The following DCDC2 variants were observed in gnomAD, a reference collection of about 807,000 sequenced individuals.
The protein encoded by DCDC2 is doublecortin domain-containing protein 2.
DCDC2 carries 40 observed loss-of-function variants against 50.2 expected under a neutral mutation model. The ratio of observed to expected loss-of-function variants is 0.80; its 90% confidence interval spans 0.62 to 1.04. The LOEUF is 1.04. DCDC2 is among the 50% of genes least tolerant of loss of function. DCDC2 has a pLI of 0.00. For synonymous variants in DCDC2, 234 were observed against 210.6 expected (o/e 1.11, Z -0.96); for missense variants, 570 against 581.9 (o/e 0.98, Z 0.21).
chr6:24,292,925 A>C (rs1763782318), intron 4 of DCDC2, among the ~76,000 whole-genome samples: 1 of 152,216 alleles, frequency 6.6e-6, no homozygotes, highest in Admixed American at 6.5e-5. Flanking sequence ...GGGCAAAATC[A>C]TACCTGCTTG....
chr6:24,285,722 C>G (rs1458033756), intron 6 of DCDC2, among the ~76,000 whole-genome samples: 1 of 152,200 alleles, frequency 6.6e-6, no homozygotes, highest in African/African-American at 2.4e-5. Flanking sequence ...ATGCTCTACA[C>G]ATTTTTAATT....
chr6:24,209,783 T>C (rs1462266976), intron 7 of DCDC2, among the ~76,000 whole-genome samples: 1 of 152,258 alleles, frequency 6.6e-6, no homozygotes, highest in Middle Eastern at 3.4e-3. Context: ...AGTGAGCTCT[T>C]GGGAAAAGTA....
rs576248106 is a variant in DCDC2, at chr6:24,190,063, T to C, written c.1024-11431A>G. 1.4e-4 allele frequency among the ~76,000 whole-genome samples: 19 copies of C among 138,168 alleles called. No homozygotes were observed. In the South Asian group the frequency reaches 2.9e-3, roughly 21 times the overall value. The allele number at this position is 138,168 out of a possible 152,430, so 90.6% of individuals were successfully genotyped here. A position where few individuals can be genotyped will look rare whatever the true frequency, so the allele number is the denominator to read the frequency against. Reference sequence around the variant, plus strand: ...TTCTTGCTTTCAGCTTTCAGAGGCTTACTTTCACCGAAAAAAAAAAAAAAG... The same window carrying C: ...TTCTTGCTTTCAGCTTTCAGAGGCTCACTTTCACCGAAAAAAAAAAAAAAG... On this transcript the variant is annotated intron_variant, in intron 8 of 9. Transcript: ENST00000378454.
intron 1 of DCDC2, chr6:24,356,873 C>T (rs1760478667): frequency 6.6e-6 from 1 of 152,190 alleles, no homozygotes; most frequent in Non-Finnish European, 1.5e-5. Context: ...AGACAGTCGA[C>T]AAATACAGTC....
At chr6:24,358,927 ATTATATATT>A (rs1760559454), upstream of DCDC2, among the ~76,000 whole-genome samples, 1 of 44,406 alleles carries the variant, frequency 2.3e-5, no homozygotes, top group Non-Finnish European at 3.5e-5. Context: ...TATATTATAT[ATTATATATT>A]TTATATATTA....
rs1304880294 is a variant in DCDC2 at position 24,357,649 on chromosome 6, G to A, written c.102C>T (p.Val34=). The A allele has an allele frequency of 1.2e-6, 2 of 1,613,466 alleles. No individual in the cohort carries two copies. The highest frequency in any genetic ancestry group is 1.7e-5 in the Admixed American group (1 of 60,030). The change falls in exon 1 of 10, where the codon GTC becomes GTT. Residue 34 remains valine, a synonymous_variant. Transcript: ENST00000378454. ...NGDPFYAGRR[V]VIHEKKVSSF... is the part of the protein sequence containing the mutation. ...TGGACACCTTCTTCTCATGGATGACGACGCGGCGCCCCGCGTAGAAGGGGT... is the reference window on the plus strand; with the variant it reads ...TGGACACCTTCTTCTCATGGATGACAACGCGGCGCCCCGCGTAGAAGGGGT...
intron 7 of DCDC2, among the ~76,000 whole-genome samples, chr6:24,209,255 T>C (rs1412756437): frequency 6.6e-6 from 1 of 152,210 alleles, no homozygotes; most frequent in Non-Finnish European, 1.5e-5. Flanking sequence ...GGCAACATTA[T>C]TTGAGCACTT....
chr6:24,201,316 G>C (rs2113758656), intron 8 of DCDC2, among the ~76,000 whole-genome samples: 1 of 152,204 alleles, frequency 6.6e-6, no homozygotes, highest in Middle Eastern at 3.4e-3. Context: ...TCACACCATA[G>C]TACAATCAAA....
At chr6:24,221,878 A>G (rs1762127148) in intron 7 of DCDC2, among the ~76,000 whole-genome samples, 1 of 152,214 alleles carries the variant, frequency 6.6e-6, no homozygotes, top group African/African-American at 2.4e-5. Context: ...AAGCATCACC[A>G]CTGTTAAGGC....
Position 24,174,483 on chromosome 6 carries a change from CT to C in DCDC2, c.*246del. The C allele has an allele frequency of 3.7e-6, 1 of 271,786 alleles. No homozygotes were observed. The highest frequency in any genetic ancestry group is 6.8e-6 in the Non-Finnish European group (1 of 146,290). The allele number at this position is 271,786 out of a possible 1,614,324, so 16.8% of individuals were successfully genotyped here. A position where few individuals can be genotyped will look rare whatever the true frequency, so the allele number is the denominator to read the frequency against. ...TGGCAATTGTCTTCCAGTGCAAATT[CT>C]CCTCTGTCCGTCTTATTTAATATTT... On this transcript the variant is annotated 3_prime_UTR_variant, in exon 10 of 10. Coordinates refer to ENST00000378454, the MANE Select transcript of DCDC2 (RefSeq NM_016356.5).
At chr6:24,310,006 G>A (rs1273045920) in intron 2 of DCDC2, among the ~76,000 whole-genome samples, 1 of 151,780 alleles carries the variant, frequency 6.6e-6, no homozygotes, top group Admixed American at 6.6e-5. Flanking sequence ...ACAAGATATG[G>A]GTAGGTTAAA....
chr6:24,287,013 G>A (rs1440269086), intron 6 of DCDC2, among the ~76,000 whole-genome samples: 2 of 152,110 alleles, frequency 1.3e-5, no homozygotes, highest in Admixed American at 1.3e-4. Context: ...TTCTCACCAC[G>A]TGAAGTCTTC....
At chr6:24,382,071 T>C in the DCDC2 span, among the ~76,000 whole-genome samples, 6 of 151,950 alleles carry the variant, frequency 3.9e-5, no homozygotes, top group Admixed American at 1.3e-4. Flanking sequence ...AGTCCAGCCA[T>C]GGGGAGAAAA....
intron 7 of DCDC2, among the ~76,000 whole-genome samples, chr6:24,257,143 T>C (rs1024740798): frequency 6.6e-6 from 1 of 152,202 alleles, no homozygotes; most frequent in African/African-American, 2.4e-5. Flanking sequence ...GCAGAGGCCT[T>C]GTTAATCTCT....
intron 1 of DCDC2, among the ~76,000 whole-genome samples, chr6:24,355,051 GT>G (rs1188445382): frequency 6.6e-6 from 1 of 152,072 alleles, no homozygotes; most frequent in African/African-American, 2.4e-5. Context: ...TAAGTGCTAA[GT>G]TTCAAATATA....
chr6:24,307,571 C>G (rs2113842678), intron 2 of DCDC2, among the ~76,000 whole-genome samples: 1 of 152,276 alleles, frequency 6.6e-6, no homozygotes, highest in Non-Finnish European at 1.5e-5. Context: ...ACTTAGCAAA[C>G]AGCACACAGC....
Position 24,301,332 on chromosome 6 carries a change from C to T in DCDC2, c.557+383G>A, listed in dbSNP as rs1316755134. ...CTTGCAGTGAGCTGAGATCGTGCCA[C>T]TGCACACCAGCCTGGGCGACAGAGC... is the stretch of plus-strand genomic sequence containing the variant. On this transcript the variant is annotated intron_variant, in intron 4 of 9. Transcript: ENST00000378454. Among the ~76,000 whole-genome samples, 19 of 125,786 alleles carry T rather than the reference C, an allele frequency of 1.5e-4. No individual in the cohort carries two copies. The Admixed American group carries it at 2.0e-3, about 13-fold the overall frequency. 82.5% of individuals were successfully genotyped at this position (125,786 alleles called of 152,430 possible). A position where few individuals can be genotyped will look rare whatever the true frequency, so the allele number is the denominator to read the frequency against.
chr6:24,220,895 C>CGAGCGAGCGAGAGAGTGAGCGAGAGAGT lies in DCDC2; in HGVS notation c.923-15794_923-15793insACTCTCTCGCTCACTCTCTCGCTCGCTC, dbSNP rs1762097947. On this transcript the variant is annotated intron_variant, in intron 7 of 9. Transcript: ENST00000378454. Reference sequence around the variant, plus strand: ...AAGAGAGCGAGAGCGAGAGAGTGAGCGAGCGAGCGAGAGAGTGAGCGAGCG... The same window carrying CGAGCGAGCGAGAGAGTGAGCGAGAGAGT: ...AAGAGAGCGAGAGCGAGAGAGTGAGCGAGCGAGCGAGAGAGTGAGCGAGAGAGTGAGCGAGCGAGAGAGTGAGCGAGCG... 2.0e-3 allele frequency among the ~76,000 whole-genome samples: 239 copies of CGAGCGAGCGAGAGAGTGAGCGAGAGAGT among 117,256 alleles called. 5 individuals are homozygous for CGAGCGAGCGAGAGAGTGAGCGAGAGAGT. Among genetic ancestry groups the CGAGCGAGCGAGAGAGTGAGCGAGAGAGT allele is most frequent in the African/African-American group, 6.2e-3 (211 of 34,260 alleles). The allele number at this position is 117,256 out of a possible 152,430, so 76.9% of individuals were successfully genotyped here. A position where few individuals can be genotyped will look rare whatever the true frequency, so the allele number is the denominator to read the frequency against.
rs527792416 is a variant in DCDC2, at chr6:24,326,579, C to T, written c.349-24535G>A. On this transcript the variant is annotated intron_variant, in intron 2 of 9. Coordinates refer to ENST00000378454, the MANE Select transcript of DCDC2 (RefSeq NM_016356.5). The stretch of plus-strand genomic sequence containing the variant: ...ATCAATAAAAAGCATGTATGATGAG[C>T]GGGCATGGAGGCTTATGCCTATAAC... Among the ~76,000 whole-genome samples the T allele has an allele frequency of 1.4e-4, 21 of 149,086 alleles. 2 individuals are homozygous for T. The highest frequency in any genetic ancestry group is 9.1e-4 in the East Asian group (4 of 4,412).
Sources: gnomAD v4.1 joint callset for allele counts (sites outside exome capture counted in the v4.1 genomes callset) on GRCh38, gnomAD v4.1.1 for gene constraint, MANE v1.5 for transcripts, NCBI Gene and HGNC (gene_info 2026-07-23, HGNC 2026-07-21) for gene names.